Variants in SEMA5A observed in about 807,000 individuals in gnomAD.
SEMA5A encodes the protein semaphorin 5A, also known as semaphorin-5A.
SEMA5A carries 55 observed loss-of-function variants against 135.5 expected under a neutral mutation model. The ratio of observed to expected loss-of-function variants is 0.41; its 90% CI spans 0.33 to 0.51. SEMA5A has a LOEUF of 0.51. SEMA5A is among the 20% of genes least tolerant of loss of function. The pLI is 0.37. For missense variants in SEMA5A, 1,290 were observed against 1,419.9 expected (o/e 0.91, Z 1.47); for synonymous variants, 580 against 546.5 (o/e 1.06, Z -0.85).
chr5:9,237,922 G>A (rs1747997542), intron 5 of SEMA5A, 32 bp from the exon 6 acceptor site: 1 of 1,594,942 alleles, frequency 6.3e-7, no homozygotes, highest in Admixed American at 1.7e-5. Flanking sequence ...TAGCAGTCAT[G>A]GTTTTGACTA....
intron 5 of SEMA5A, among the ~76,000 whole-genome samples, chr5:9,275,026 A>C (rs1451589559): frequency 2.0e-5 from 3 of 152,132 alleles, no homozygotes; most frequent in African/African-American, 7.2e-5. Flanking sequence ...CCCTCAAAAA[A>C]ATCAATGAAT....
chr5:9,091,264 T>C (rs1409506153), intron 16 of SEMA5A, among the ~76,000 whole-genome samples: 1 of 152,196 alleles, frequency 6.6e-6, no homozygotes, highest in African/African-American at 2.4e-5. Context: ...AAGTAAAAGA[T>C]AGAAGCCAAC....
At chr5:9,246,148 C>T (rs1748471014) in intron 5 of SEMA5A, among the ~76,000 whole-genome samples, 1 of 151,964 alleles carries the variant, frequency 6.6e-6, no homozygotes, top group South Asian at 2.1e-4. Context: ...CAGGGTTTTA[C>T]AGAAATTATT....
intron 2 of SEMA5A, among the ~76,000 whole-genome samples, chr5:9,400,053 CA>C (rs1756584101): frequency 6.6e-6 from 1 of 152,140 alleles, no homozygotes; most frequent in Non-Finnish European, 1.5e-5. Flanking sequence ...CAAACTAACA[CA>C]GGAACAGAAA....
At chr5:9,198,847 T>C (rs538528277) in intron 9 of SEMA5A, among the ~76,000 whole-genome samples, 6 of 152,228 alleles carry the variant, frequency 3.9e-5, no homozygotes, top group African/African-American at 1.2e-4. Flanking sequence ...GGATATCCCA[T>C]CCAGGCATGC....
chr5:9,280,779 C>T (rs1561102881), intron 5 of SEMA5A: 1 of 429,316 alleles, frequency 2.3e-6, no homozygotes, highest in Non-Finnish European at 4.7e-6. Flanking sequence ...CTGACAACAG[C>T]AATACTCACC....
chr5:9,249,472 T>G (rs1181735371), intron 5 of SEMA5A, among the ~76,000 whole-genome samples: 3 of 152,206 alleles, frequency 2.0e-5, no homozygotes, highest in Non-Finnish European at 1.5e-5. Context: ...AGATATCTCT[T>G]TGAGAGTGAC....
chr5:9,104,902 T>C (rs1276241781), intron 16 of SEMA5A, among the ~76,000 whole-genome samples: 3 of 152,212 alleles, frequency 2.0e-5, no homozygotes, highest in African/African-American at 7.2e-5. Flanking sequence ...ACTGGAGCTA[T>C]GAGCCACCAG....
intron 17 of SEMA5A, among the ~76,000 whole-genome samples, chr5:9,065,651 C>A (rs1184641158): frequency 1.3e-5 from 2 of 152,196 alleles, no homozygotes; most frequent in African/African-American, 4.8e-5. Flanking sequence ...ATTTCCTTTT[C>A]TGTTGGTATC....
At chr5:9,538,273 C>A (rs1032342249) in intron 1 of SEMA5A, among the ~76,000 whole-genome samples, 1 of 135,910 alleles carries the variant, frequency 7.4e-6, no homozygotes, top group East Asian at 2.6e-4. Context: ...AAGAGCGGGG[C>A]GGGGGGAGGT....
chr5:9,399,382 C>T (rs945737999), intron 2 of SEMA5A, among the ~76,000 whole-genome samples: 4 of 152,028 alleles, frequency 2.6e-5, no homozygotes, highest in East Asian at 1.9e-4. Context: ...ACACATTTTA[C>T]GATTCCATGT....
At chr5:9,069,911 G>A (rs533789267) in intron 16 of SEMA5A, among the ~76,000 whole-genome samples, 53 of 152,174 alleles carry the variant, frequency 3.5e-4, no homozygotes, top group Non-Finnish European at 6.8e-4. Context: ...AAAACCACAT[G>A]ACAGGAAAGC....
chr5:9,122,770 T>C lies in SEMA5A; in HGVS notation c.1667A>G (p.Asp556Gly). The stretch of plus-strand genomic sequence containing the variant: ...GAGGCAGGATCCCACGGCGCTGCCA[T>C]CTGTGTGCGTGCAAGGCGTCCACGG... ...WSPWTPCTHT[D>G]GSAVGSCLCR... The change falls in exon 14 of 23, where the codon GAT becomes GGT. Residue 556 changes from aspartate to glycine, a missense_variant. This residue lies in a region of SEMA5A where 1,029 missense variants were observed against 1,086.6 expected (regional missense o/e 0.95). Transcript: ENST00000382496. 2.5e-6 allele frequency: 4 copies of C among 1,613,352 alleles called. No individual in the cohort carries two copies. The highest frequency in any genetic ancestry group is 3.4e-6 in the Non-Finnish European group (4 of 1,179,776).
chr5:9,107,551 A>G lies in SEMA5A; in HGVS notation c.2073+589T>C, dbSNP rs546524765. Among the ~76,000 whole-genome samples the G allele has an allele frequency of 3.5e-4, 54 of 152,322 alleles. 1 individual carries two copies. Among genetic ancestry groups the G allele is most frequent in the African/African-American group, 1.1e-3 (44 of 41,574 alleles). On this transcript the variant is annotated intron_variant, in intron 16 of 22. Coordinates refer to ENST00000382496, the MANE Select transcript of SEMA5A (RefSeq NM_003966.3). The stretch of plus-strand genomic sequence containing the variant: ...CCCAAACCGAATAGAGTAGCCATAT[A>G]TAAGCAGGCTGAAGGCTTTGTGACT...
chr5:9,404,492 T>C (rs909582792), intron 2 of SEMA5A, among the ~76,000 whole-genome samples: 1 of 152,208 alleles, frequency 6.6e-6, no homozygotes, highest in African/African-American at 2.4e-5. Flanking sequence ...CCCATAATCT[T>C]CTAATACCAG....
intron 1 of SEMA5A, among the ~76,000 whole-genome samples, chr5:9,524,749 C>T (rs1315997150): frequency 6.6e-6 from 1 of 152,124 alleles, no homozygotes; most frequent in Admixed American, 6.5e-5. Flanking sequence ...AATTTTCAAC[C>T]ATTATTAATG....
intron 16 of SEMA5A, among the ~76,000 whole-genome samples, chr5:9,097,378 T>C (rs1160320909): frequency 6.6e-6 from 1 of 152,216 alleles, no homozygotes; most frequent in South Asian, 2.1e-4. Context: ...CTTAATACTA[T>C]GATGTATGCA....
chr5:9,402,922 T>C (rs1756726536), intron 2 of SEMA5A, among the ~76,000 whole-genome samples: 1 of 152,184 alleles, frequency 6.6e-6, no homozygotes, highest in Non-Finnish European at 1.5e-5. Context: ...TGACAGCCCC[T>C]GAACATGGCC....
chr5:9,244,782 G>A lies in SEMA5A; in HGVS notation c.271-6892C>T, dbSNP rs550502267. On this transcript the variant is annotated intron_variant, in intron 5 of 22. Transcript: ENST00000382496. ...GACCCCTTGTAGAATGGGCACATGA[G>A]GCTTGGCAGCCCTTGAGCTGGTTGG... Among the ~76,000 whole-genome samples the A allele has an allele frequency of 8.5e-5, 13 of 152,324 alleles. No individual in the cohort carries two copies. The South Asian group carries it at 2.5e-3, about 29-fold the overall frequency.
Sources: gnomAD v4.1 joint callset for allele counts (sites outside exome capture counted in the v4.1 genomes callset) on GRCh38, gnomAD v4.1.1 for gene constraint, gnomAD v4.1.1 regional missense constraint, MANE v1.5 for transcripts, NCBI Gene and HGNC (gene_info 2026-07-23, HGNC 2026-07-21) for gene names.